The following CEP350 variants were observed in gnomAD, a reference collection of about 807,000 sequenced individuals.
CEP350 encodes centrosomal protein 350.
Under a neutral mutation model 331.8 loss-of-function variants are expected in CEP350, and 126 were observed. The ratio of observed to expected loss-of-function variants is 0.38; its 90% CI spans 0.33 to 0.44. CEP350 has a LOEUF of 0.44. Among genes scored for constraint, CEP350 ranks in the 20% least tolerant of loss-of-function variants. CEP350 has a pLI of 1.00. For missense variants in CEP350, 3,406 were observed against 3,634.6 expected, an observed-to-expected ratio of 0.94 and a Z score of 1.62; for synonymous variants, 1,200 against 1,259.5, an observed-to-expected ratio of 0.95 and a Z score of 1.00.
rs1451352765 is a variant in CEP350, at chr1:180,095,796, A to G, written c.8785A>G (p.Asn2929Asp). 3 of 1,614,004 alleles carry G rather than the reference A, an allele frequency of 1.9e-6. No homozygotes were observed. In the Admixed American group the frequency reaches 5.0e-5, roughly 27 times the overall value. ...AGAAGAAGTAGAGATTCTTGTACAT[A>G]ATGCAGCAGAAGAACTTTGGAAATG... ...TAEEVEILVHNAAEELWKWKE... is the reference protein window; with the variant it reads ...TAEEVEILVHDAAEELWKWKE... Residue 2929 changes from asparagine (N) to aspartate (D), a missense_variant, in exon 35 of 38, where the codon AAT becomes GAT. This residue lies in a region of CEP350 where 1,415 missense variants were observed against 1,512.3 expected (regional missense o/e 0.94). Transcript: ENST00000367607.
At chr1:180,040,155 G>A (rs771667626) in intron 17 of CEP350, among the ~76,000 whole-genome samples, 18 of 151,674 alleles carry the variant, frequency 1.2e-4, no homozygotes, top group Non-Finnish European at 1.8e-4. Context: ...GCCACTGCCC[G>A]ACTAAATAAC....
chr1:180,026,133 T>C (rs1275525917), intron 14 of CEP350, among the ~76,000 whole-genome samples: 1 of 151,994 alleles, frequency 6.6e-6, no homozygotes, highest in African/African-American at 2.4e-5. Flanking sequence ...TAGCCAGGCA[T>C]GTTGGTGGGT....
chr1:180,096,293 T>G, intron 36 of CEP350, 109 bp downstream of exon 36: 1 of 1,238,384 alleles, frequency 8.1e-7, no homozygotes, highest in East Asian at 2.6e-5. Context: ...CCTTTGTGTC[T>G]TCAGGACCTG....
At chr1:179,971,418 G>T (rs1056703107) in intron 1 of CEP350, among the ~76,000 whole-genome samples, 1 of 152,156 alleles carries the variant, frequency 6.6e-6, no homozygotes, top group East Asian at 1.9e-4. Flanking sequence ...TGACGTTTAA[G>T]GCTCAAGTGA....
At chr1:180,055,625 A>C (rs1276936409) in intron 25 of CEP350, among the ~76,000 whole-genome samples, 1 of 130,270 alleles carries the variant, frequency 7.7e-6, no homozygotes, top group Non-Finnish European at 1.5e-5. Context: ...ATCTCGGCTC[A>C]CTGCAAGCTC....
At position 180,065,168 on chromosome 1, in the gene CEP350, A is replaced by G. The variant is rs1658474990; in HGVS notation, c.5463A>G (p.Pro1821=). 1.9e-6 allele frequency: 3 copies of G among 1,613,668 alleles called. No individual in the cohort carries two copies. The highest frequency in any genetic ancestry group is 2.5e-6 in the Non-Finnish European group (3 of 1,179,748). The change falls in exon 27 of 38, where the codon CCA becomes CCG. Residue 1821 remains proline (P), a synonymous_variant. Transcript: ENST00000367607. The part of the protein sequence containing the change: ...TKDNKATSPG[P]TDLETRSPSP... ...ATAATAAGGCAACCAGTCCTGGTCC[A>G]ACTGACTTGGAGACCCGCAGTCCTT...
At chr1:180,031,564 T>C in intron 15 of CEP350, 70 bp downstream of exon 15, 1 of 755,316 alleles carries the variant, frequency 1.3e-6, no homozygotes, top group Non-Finnish European at 1.9e-6. Context: ...AAAATCCATA[T>C]AATGAATTTT....
In CEP350 at chr1:179,990,623, T is replaced by C. The variant is rs1558082712; in HGVS notation, c.235+2T>C. 1 of 1,511,386 alleles carries C rather than the reference T, an allele frequency of 6.6e-7. No homozygotes were observed. The highest frequency in any genetic ancestry group is 1.4e-5 in the African/African-American group (1 of 72,600). 93.6% of individuals were successfully genotyped at this position (1,511,386 alleles called of 1,614,324 possible). ...CTACTCGAAAAATAAGTAGAAAAGG[T>C]ATGTATGAAGTTACTTCCAAATATA... On this transcript the variant is annotated splice_donor_variant, in intron 4 of 37. Coordinates refer to ENST00000367607, the MANE Select transcript of CEP350 (RefSeq NM_014810.5). LOFTEE classifies it high-confidence loss of function.
chr1:180,099,766 T>C (rs900630942), intron 37 of CEP350, among the ~76,000 whole-genome samples: 1 of 146,548 alleles, frequency 6.8e-6, no homozygotes, highest in African/African-American at 2.5e-5. Context: ...TTTATCATTC[T>C]TATGCCTTAT....
chr1:180,010,167 G>A (rs1028167078), intron 8 of CEP350, among the ~76,000 whole-genome samples: 58 of 151,932 alleles, frequency 3.8e-4, no homozygotes, highest in African/African-American at 1.4e-3. Context: ...CATTTCTGTT[G>A]TTTCTTATGA....
intron 17 of CEP350, among the ~76,000 whole-genome samples, chr1:180,037,411 GTT>G (rs746011276): frequency 2.1e-5 from 3 of 139,764 alleles, no homozygotes; most frequent in Admixed American, 1.4e-4. Flanking sequence ...AATACTGAGG[GTT>G]TTTTTTTTTT....
At chr1:180,016,951 C>T (rs1202941603) in intron 11 of CEP350, among the ~76,000 whole-genome samples, 2 of 152,188 alleles carry the variant, frequency 1.3e-5, no homozygotes, top group African/African-American at 2.4e-5. Context: ...GCATGAGCCA[C>T]CGAGCCTGGC....
chr1:180,053,722 TAAAC>T, intron 23 of CEP350, 24 bp from the exon 24 acceptor site: 1 of 1,419,256 alleles, frequency 7.0e-7, no homozygotes, highest in South Asian at 1.5e-5. Context: ...TAGATGATGA[TAAAC>T]AAGAAAGAAA....
At chr1:180,069,589 C>T (rs1284421978) in intron 27 of CEP350, among the ~76,000 whole-genome samples, 2 of 152,124 alleles carry the variant, frequency 1.3e-5, no homozygotes, top group African/African-American at 4.8e-5. Flanking sequence ...GGTCAGGAAT[C>T]ATGTGCTGTA....
At chr1:180,072,018 A>G (rs1323337168) in intron 27 of CEP350, among the ~76,000 whole-genome samples, 1 of 152,056 alleles carries the variant, frequency 6.6e-6, no homozygotes, top group Admixed American at 6.5e-5. Context: ...TAGCATCTTG[A>G]AGGATTATTA....
chr1:180,109,628 T>G (rs1203235009), intron 37 of CEP350, among the ~76,000 whole-genome samples: 2 of 151,640 alleles, frequency 1.3e-5, no homozygotes, highest in East Asian at 1.9e-4. Flanking sequence ...ATCTAATGTG[T>G]TTTTTTTGTT....
intron 1 of CEP350, chr1:179,969,014 T>G (rs1571788129): frequency 2.7e-6 from 2 of 753,550 alleles, no homozygotes; most frequent in Non-Finnish European, 2.4e-6. Flanking sequence ...TGGCTTGTGG[T>G]GGTTTGACCA....
At chr1:180,019,879 A>T in intron 11 of CEP350, 70 bp from the exon 12 acceptor site, 28 of 1,432,902 alleles carry the variant, frequency 2.0e-5, no homozygotes, top group Non-Finnish European at 2.6e-5. Context: ...TACTCTTATA[A>T]TCAGATAAAA....
rs569991386 is a variant in CEP350, at chr1:180,089,929, A to G, written c.6426-785A>G. Among the ~76,000 whole-genome samples the G allele has an allele frequency of 4.6e-5, 7 of 152,350 alleles. No homozygotes were observed. The South Asian group carries it at 1.5e-3, about 32-fold the overall frequency. On this transcript the variant is annotated intron_variant, in intron 32 of 37. Coordinates refer to ENST00000367607, the MANE Select transcript of CEP350 (RefSeq NM_014810.5). The stretch of plus-strand genomic sequence containing the variant: ...TGATAAAATAGCAACATTTTAGGGC[A>G]TTGTAAAAAGGTAGGACGTGAAAGC...
Sources: gnomAD v4.1 joint callset for allele counts (sites outside exome capture counted in the v4.1 genomes callset) on GRCh38, gnomAD v4.1.1 for gene constraint, gnomAD v4.1.1 regional missense constraint, MANE v1.5 for transcripts, NCBI Gene and HGNC (gene_info 2026-07-23, HGNC 2026-07-21) for gene names.